The following ZNRF1 variants were observed in gnomAD, a reference collection of about 807,000 sequenced individuals.
The protein encoded by ZNRF1 is E3 ubiquitin-protein ligase ZNRF1.
In ZNRF1, 3 loss-of-function variants were observed where a neutral mutation model predicts 18.4. The ratio of observed to expected loss-of-function variants is 0.16; its 90% CI spans 0.07 to 0.42. ZNRF1 has a LOEUF of 0.42. ZNRF1 is among the 10% of genes least tolerant of loss of function. The pLI, the probability that ZNRF1 is intolerant of heterozygous loss-of-function variation, is 0.99. For synonymous variants in ZNRF1, 157 were observed against 144.2 expected, an observed-to-expected ratio of 1.09 and a Z score of -0.64; for missense variants, 310 against 329.8, an observed-to-expected ratio of 0.94 and a Z score of 0.47.
intron 1 of ZNRF1, among the ~76,000 whole-genome samples, chr16:75,050,972 G>A (rs566800839): frequency 6.6e-6 from 1 of 150,898 alleles, no homozygotes; most frequent in East Asian, 1.9e-4. Flanking sequence ...GCAGGAGGAT[G>A]GCTTGAGCTC....
intron 1 of ZNRF1, among the ~76,000 whole-genome samples, chr16:75,035,197 C>G (rs1179554382): frequency 1.4e-5 from 2 of 147,228 alleles, no homozygotes; most frequent in Non-Finnish European, 3.0e-5. Flanking sequence ...GTGTGCACAA[C>G]TATATTTTGT....
chr16:75,032,542 A>T (rs2035319842), intron 1 of ZNRF1, among the ~76,000 whole-genome samples: 1 of 151,932 alleles, frequency 6.6e-6, no homozygotes, highest in Admixed American at 6.6e-5. Context: ...CTCAAAAAAC[A>T]AACAAACAAC....
At chr16:75,002,899 C>T (rs2034871051) in intron 1 of ZNRF1, among the ~76,000 whole-genome samples, 1 of 152,194 alleles carries the variant, frequency 6.6e-6, no homozygotes, top group South Asian at 2.1e-4. Context: ...GCTTAGAGAC[C>T]ACTCTTAAAA....
intron 1 of ZNRF1, among the ~76,000 whole-genome samples, chr16:75,010,901 G>C (rs373608484): frequency 7.9e-5 from 12 of 151,996 alleles, no homozygotes; most frequent in African/African-American, 2.7e-4. Flanking sequence ...GTAGAGATGG[G>C]GTTTCGCCAA....
chr16:75,110,839 G>A lies in ZNRF1; in HGVS notation c.*3139G>A, dbSNP rs1323006823. 6.6e-6 allele frequency: 1 copy of A among 152,388 alleles called. No homozygotes were observed. Among genetic ancestry groups the A allele is most frequent in the Non-Finnish European group, 1.5e-5 (1 of 68,302 alleles). 9.4% of individuals were successfully genotyped at this position (152,388 alleles called of 1,614,324 possible). A position where few individuals can be genotyped will look rare whatever the true frequency, so the allele number is the denominator to read the frequency against. On this transcript the variant is annotated 3_prime_UTR_variant, in exon 5 of 5. Coordinates refer to ENST00000335325, the MANE Select transcript of ZNRF1 (RefSeq NM_032268.5). ...GAGTGGGTGGCTGGCTGGCTGGCTGGAAGGGGAGGGGCGAGAGGGCTGTCT... is the reference window on the plus strand; with the variant it reads ...GAGTGGGTGGCTGGCTGGCTGGCTGAAAGGGGAGGGGCGAGAGGGCTGTCT...
chr16:75,050,879 A>C (rs1358312483), intron 1 of ZNRF1, among the ~76,000 whole-genome samples: 10 of 112,118 alleles, frequency 8.9e-5, no homozygotes, highest in African/African-American at 3.5e-4. Context: ...TCAAAAAAAA[A>C]AAAAAAAAAC....
intron 1 of ZNRF1, among the ~76,000 whole-genome samples, chr16:75,052,993 C>T (rs911964822): frequency 2.6e-5 from 4 of 152,166 alleles, no homozygotes; most frequent in Non-Finnish European, 4.4e-5. Flanking sequence ...TGTGAATCGG[C>T]GCCCTCTGAC....
At chr16:75,100,982 G>A (rs2036248294) in intron 2 of ZNRF1, among the ~76,000 whole-genome samples, 1 of 152,330 alleles carries the variant, frequency 6.6e-6, no homozygotes, top group Non-Finnish European at 1.5e-5. Context: ...CACCCAGGCT[G>A]GAGTACAGTG....
intron 1 of ZNRF1, among the ~76,000 whole-genome samples, chr16:75,023,539 T>A (rs574714589): frequency 1.3e-5 from 2 of 151,992 alleles, no homozygotes; most frequent in South Asian, 4.2e-4. Flanking sequence ...CAAAAATTAG[T>A]TGGGCGTGGT....
At chr16:75,037,874 A>G (rs2145357876) in intron 1 of ZNRF1, among the ~76,000 whole-genome samples, 1 of 152,284 alleles carries the variant, frequency 6.6e-6, no homozygotes, top group East Asian at 1.9e-4. Flanking sequence ...CCTAATACAA[A>G]ATTTGGGAAG....
intron 1 of ZNRF1, among the ~76,000 whole-genome samples, chr16:75,060,100 C>T (rs1258239007): frequency 6.6e-6 from 1 of 152,066 alleles, no homozygotes; most frequent in Non-Finnish European, 1.5e-5. Flanking sequence ...CTTGCCCAGG[C>T]TGGAGTGCAG....
At chr16:75,024,126 T>C (rs1459176524) in intron 1 of ZNRF1, among the ~76,000 whole-genome samples, 1 of 152,110 alleles carries the variant, frequency 6.6e-6, no homozygotes, top group Non-Finnish European at 1.5e-5. Flanking sequence ...TGCCTTGGCC[T>C]CCCAAAGTGC....
At chr16:75,064,556 C>A (rs553824710) in intron 1 of ZNRF1, among the ~76,000 whole-genome samples, 45 of 144,844 alleles carry the variant, frequency 3.1e-4, no homozygotes, top group African/African-American at 1.2e-3. Context: ...ACTCAGTCTC[C>A]GAGGGAAAAA....
intron 1 of ZNRF1, among the ~76,000 whole-genome samples, chr16:75,001,459 T>C (rs993715705): frequency 1.3e-5 from 2 of 152,220 alleles, no homozygotes; most frequent in Admixed American, 6.5e-5. Context: ...CCGGATATCA[T>C]TGGAGCTTTT....
rs562614845 is a variant in ZNRF1 at position 75,053,135 on chromosome 16, G to C, written c.425-40437G>C. ...ATAGATCGCAGAGGAAATCTAGGGG[G>C]CTTTATCTCACTTCCCACCCCACAT... is the stretch of plus-strand genomic sequence containing the variant. On this transcript the variant is annotated intron_variant, in intron 1 of 4. Coordinates refer to ENST00000335325, the MANE Select transcript of ZNRF1 (RefSeq NM_032268.5). Among the ~76,000 whole-genome samples the C allele has an allele frequency of 9.9e-5, 15 of 152,282 alleles. No homozygotes were observed. The East Asian group carries it at 2.1e-3, about 22-fold the overall frequency.
Position 74,999,701 on chromosome 16 carries a change from C to G in ZNRF1, c.30C>G (p.Arg10=). The G allele has an allele frequency of 7.3e-7, 1 of 1,361,840 alleles. No individual in the cohort carries two copies. The allele number at this position is 1,361,840 out of a possible 1,614,324, so 84.4% of individuals were successfully genotyped here. A position where few individuals can be genotyped will look rare whatever the true frequency, so the allele number is the denominator to read the frequency against. Residue 10 remains arginine, a synonymous_variant, in exon 1 of 5, where the codon CGC becomes CGG. Transcript: ENST00000335325. ...GGGGCAAGCAGAGCACGGCGGCCCG[C>G]TCCCGGGGCCCCTTCCCGGGGGTCT... MGGKQSTAA[R]SRGPFPGVST...
chr16:75,006,793 C>T (rs1014417043), intron 1 of ZNRF1, among the ~76,000 whole-genome samples: 2 of 152,176 alleles, frequency 1.3e-5, no homozygotes, highest in Non-Finnish European at 2.9e-5. Context: ...CTTTTCCAAG[C>T]TTTCTCATGG....
Position 75,108,398 on chromosome 16 carries a change from A to G in ZNRF1, c.*698A>G, listed in dbSNP as rs1377802531. The stretch of plus-strand genomic sequence containing the variant: ...CAGTTCAGAGGATTTAACAATCACA[A>G]GTGTCCTGCAAAAATGCCTGAACAT... On this transcript the variant is annotated 3_prime_UTR_variant, in exon 5 of 5. Coordinates refer to ENST00000335325, the MANE Select transcript of ZNRF1 (RefSeq NM_032268.5). 1 of 392,332 alleles carries G rather than the reference A, an allele frequency of 2.5e-6. No individual in the cohort carries two copies. The highest frequency in any genetic ancestry group is 3.6e-5 in the East Asian group (1 of 27,662). The allele number at this position is 392,332 out of a possible 1,614,324, so 24.3% of individuals were successfully genotyped here.
Position 75,106,561 on chromosome 16 carries a change from T to C in ZNRF1, c.*22T>C, listed in dbSNP as rs1188337468. 1.9e-6 allele frequency: 3 copies of C among 1,614,028 alleles called. No individual in the cohort carries two copies. Among genetic ancestry groups the C allele is most frequent in the Non-Finnish European group, 8.5e-7 (1 of 1,179,966 alleles). Reference sequence around the variant, plus strand: ...CTGACCTGCGGGCTTGCTTGCTGACTCCTCTCAAAGGTGAGCCCGCGTTTG... The same window carrying C: ...CTGACCTGCGGGCTTGCTTGCTGACCCCTCTCAAAGGTGAGCCCGCGTTTG... On this transcript the variant is annotated 3_prime_UTR_variant, in exon 4 of 5. Coordinates refer to ENST00000335325, the MANE Select transcript of ZNRF1 (RefSeq NM_032268.5).
Sources: allele counts gnomAD v4.1 joint callset (sites outside exome capture counted in the v4.1 genomes callset), GRCh38; gene constraint gnomAD v4.1.1; transcripts MANE v1.5; gene names NCBI Gene and HGNC (gene_info 2026-07-23, HGNC 2026-07-21).